Variants in WHRN observed in about 807,000 individuals in gnomAD.
WHRN encodes CASK-interacting protein CIP98.
WHRN carries 41 observed loss-of-function variants against 68.3 expected under a neutral mutation model. The observed-to-expected ratio is 0.60, with a 90% confidence interval of 0.47 to 0.78. The LOEUF is 0.78. WHRN is among the 30% of genes least tolerant of loss of function. WHRN has a pLI of 0.00. For synonymous variants in WHRN, 560 were observed against 561.3 expected (o/e 1.00, Z 0.03); for missense variants, 1,243 against 1,244.7 (o/e 1.00, Z 0.02).
rs749764190 is a variant in WHRN at position 114,402,524 on chromosome 9, G to A, written c.*230C>T. 29 of 593,138 alleles carry A rather than the reference G, an allele frequency of 4.9e-5. No individual in the cohort carries two copies. Among genetic ancestry groups the A allele is most frequent in the African/African-American group, 7.4e-5 (4 of 53,788 alleles). The allele number at this position is 593,138 out of a possible 1,614,324, so 36.7% of individuals were successfully genotyped here. On this transcript the variant is annotated 3_prime_UTR_variant, in exon 12 of 12. Coordinates refer to ENST00000362057, the MANE Select transcript of WHRN (RefSeq NM_015404.4). Reference sequence around the variant, plus strand: ...GTCTTGCAACCCACTTGTCCTGGGCGCCTACTGTGTACCCAGTACAGCACC... The same window carrying A: ...GTCTTGCAACCCACTTGTCCTGGGCACCTACTGTGTACCCAGTACAGCACC...
chr9:114,495,009 G>A (rs1843331022), intron 1 of WHRN, among the ~76,000 whole-genome samples: 1 of 152,212 alleles, frequency 6.6e-6, no homozygotes, highest in Non-Finnish European at 1.5e-5. Context: ...CAGGTCCTCT[G>A]GAGAGGACGT....
At chr9:114,424,195 G>T in intron 6 of WHRN, 139 bp downstream of exon 6, 1 of 980,044 alleles carries the variant, frequency 1.0e-6, no homozygotes, top group East Asian at 2.4e-5. Flanking sequence ...GGGGCAGGAG[G>T]CTGCCTCAGT....
At chr9:114,474,296 C>T (rs559940458) in intron 2 of WHRN, among the ~76,000 whole-genome samples, 2 of 152,300 alleles carry the variant, frequency 1.3e-5, no homozygotes, top group Non-Finnish European at 2.9e-5. Flanking sequence ...CTCTTGAAAA[C>T]GAGCTTTGCA....
chr9:114,456,753 C>T (rs1435105766), intron 3 of WHRN, among the ~76,000 whole-genome samples: 2 of 151,048 alleles, frequency 1.3e-5, no homozygotes, highest in Non-Finnish European at 2.9e-5. Context: ...CGCTTGAACC[C>T]GGGAGGTGGA....
intron 3 of WHRN, among the ~76,000 whole-genome samples, chr9:114,429,184 G>T (rs1234949728): frequency 6.6e-6 from 1 of 152,222 alleles, no homozygotes; most frequent in East Asian, 1.9e-4. Context: ...ACGCGGCTTG[G>T]CCTCCCAAAG....
Position 114,504,251 on chromosome 9 carries a change from A to G in WHRN, c.551T>C (p.Val184Ala). 2 of 1,614,056 alleles carry G rather than the reference A, an allele frequency of 1.2e-6. No individual in the cohort carries two copies. Among genetic ancestry groups the G allele is most frequent in the Non-Finnish European group, 1.7e-6 (2 of 1,180,024 alleles). The change falls in exon 1 of 12, where the codon GTC (valine) becomes GCC (alanine). Residue 184 changes from valine to alanine, a missense_variant. Physicochemically the swap from Val to Ala is moderately conservative, Grantham distance 64. Coordinates refer to ENST00000362057, the MANE Select transcript of WHRN (RefSeq NM_015404.4). The part of the protein sequence containing the change: ...GSLAEKEGLR[V>A]GDQILRVNDK... ...GTTGACGCGCAGAATCTGGTCCCCG[A>G]CCCGCAGTCCTTCCTTCTCAGCTAG...
chr9:114,478,911 C>G, intron 1 of WHRN, 140 bp from the exon 2 acceptor site: 1 of 796,190 alleles, frequency 1.3e-6, no homozygotes, highest in South Asian at 1.5e-5. Flanking sequence ...CTTTCCTTCT[C>G]TAGCCCTCGA....
chr9:114,428,156 T>C (rs1054821681), intron 3 of WHRN, among the ~76,000 whole-genome samples: 1 of 152,128 alleles, frequency 6.6e-6, no homozygotes, highest in Admixed American at 6.6e-5. Context: ...GGCAAAATGC[T>C]GTCTCTACTA....
At chr9:114,419,821 A>G (rs980487800) in intron 7 of WHRN, among the ~76,000 whole-genome samples, 11 of 152,194 alleles carry the variant, frequency 7.2e-5, no homozygotes, top group Non-Finnish European at 1.6e-4. Context: ...GTCTCACAGC[A>G]AGAAAGTGGC....
intron 10 of WHRN, 49 bp downstream of exon 10, chr9:114,403,846 TG>T: frequency 6.2e-7 from 1 of 1,603,320 alleles, no homozygotes. Flanking sequence ...ATTCTGTGCC[TG>T]GGGCCCGTGT....
chr9:114,496,947 T>C, intron 1 of WHRN, among the ~76,000 whole-genome samples: 1 of 152,232 alleles, frequency 6.6e-6, no homozygotes. Flanking sequence ...TGGTCAAGCC[T>C]TTATGGGGAT....
At chr9:114,473,286 C>G (rs1158426818) in intron 2 of WHRN, among the ~76,000 whole-genome samples, 2 of 152,214 alleles carry the variant, frequency 1.3e-5, no homozygotes, top group African/African-American at 2.4e-5. Context: ...TTCCTCCGAG[C>G]AGATTCCAGA....
Position 114,490,261 on chromosome 9 carries a change from C to T in WHRN, c.619-11490G>A, listed in dbSNP as rs193138073. 6.0e-4 allele frequency among the ~76,000 whole-genome samples: 91 copies of T among 152,206 alleles called. 1 individual carries two copies. The East Asian group carries it at 0.017, about 29-fold the overall frequency. On this transcript the variant is annotated intron_variant, in intron 1 of 11. Transcript: ENST00000362057. ...GATCATTAAACGCAATGACAACATA[C>T]GTCAAAAAGAAATGCAAGGAAGCAG...
intron 2 of WHRN, among the ~76,000 whole-genome samples, chr9:114,476,723 C>G (rs888078880): frequency 6.6e-6 from 1 of 152,136 alleles, no homozygotes; most frequent in African/African-American, 2.4e-5. Flanking sequence ...GCTCAGCAAA[C>G]ACTAGGAGAC....
At chr9:114,479,868 C>T (rs1050113896) in intron 1 of WHRN, among the ~76,000 whole-genome samples, 19 of 152,100 alleles carry the variant, frequency 1.2e-4, no homozygotes, top group African/African-American at 4.3e-4. Flanking sequence ...TTCAAAACCA[C>T]CCTGGCCAAC....
At position 114,504,196 on chromosome 9, in the gene WHRN, C is replaced by T; in HGVS notation, c.606G>A (p.Ala202=). 6.2e-7 allele frequency: 1 copy of T among 1,614,164 alleles called. No individual in the cohort carries two copies. The highest frequency in any genetic ancestry group is 8.5e-7 in the Non-Finnish European group (1 of 1,180,040). Residue 202 remains alanine (A), a synonymous_variant, in exon 1 of 12, where the codon GCG becomes GCA. Transcript: ENST00000362057. ...NDKSLARVTH[A]EAVKALKGSK... ...ACCACAGCCTTACCTTGACGGCCTC[C>T]GCGTGGGTCACCCGGGCCAGGGATT...
intron 7 of WHRN, among the ~76,000 whole-genome samples, chr9:114,409,500 T>C (rs1194732339): frequency 6.6e-6 from 1 of 152,140 alleles, no homozygotes; most frequent in Non-Finnish European, 1.5e-5. Context: ...GGAATGGAGA[T>C]AGGATGTTTG....
chr9:114,429,166 G>A (rs1837174786), intron 3 of WHRN, among the ~76,000 whole-genome samples: 1 of 152,204 alleles, frequency 6.6e-6, no homozygotes, highest in African/African-American at 2.4e-5. Flanking sequence ...CCTGAGCTCA[G>A]GCGATCCACG....
intron 3 of WHRN, among the ~76,000 whole-genome samples, chr9:114,465,599 G>A (rs1040800691): frequency 2.2e-4 from 33 of 152,118 alleles, no homozygotes; most frequent in Non-Finnish European, 4.1e-4. Flanking sequence ...CAGCATCCTC[G>A]TGAGCAGTCT....
Sources: allele counts gnomAD v4.1 joint callset (sites outside exome capture counted in the v4.1 genomes callset), GRCh38; gene constraint gnomAD v4.1.1; transcripts MANE v1.5; gene names NCBI Gene and HGNC (gene_info 2026-07-23, HGNC 2026-07-21).